Variants in CSMD1 observed in about 807,000 individuals in gnomAD.
CSMD1 encodes the protein CUB and Sushi multiple domains 1.
A neutral mutation model predicts 417.5 loss-of-function variants in CSMD1; 213 were observed. The ratio of observed to expected loss-of-function variants is 0.51; its 90% confidence interval spans 0.46 to 0.57. The LOEUF is 0.57. Ranked by LOEUF, CSMD1 falls within the 20% of genes least tolerant of loss-of-function variation. CSMD1 has a pLI of 0.00. For synonymous variants in CSMD1, 2,862 were observed against 1,736.8 expected (o/e 1.65, Z -16.11); for missense variants, 6,923 against 4,529.7 (o/e 1.53, Z -15.17).
intron 54 of CSMD1, among the ~76,000 whole-genome samples, chr8:2,987,020 A>C (rs1167063730): frequency 6.6e-6 from 1 of 152,012 alleles, no homozygotes; most frequent in Non-Finnish European, 1.5e-5. Flanking sequence ...TTGCAAGTAC[A>C]TTCCCTCTTA....
intron 20 of CSMD1, 108 bp downstream of exon 20, chr8:3,366,924 C>G: frequency 2.3e-6 from 2 of 875,638 alleles, no homozygotes; most frequent in South Asian, 1.6e-5. Flanking sequence ...TGTACAAACA[C>G]ACACGGATGC....
intron 5 of CSMD1, among the ~76,000 whole-genome samples, chr8:3,958,161 G>T: frequency 6.6e-6 from 1 of 152,010 alleles, no homozygotes; most frequent in East Asian, 1.9e-4. Context: ...TGTCCTTCTG[G>T]CAAGCAAATG....
At chr8:4,857,546 A>T (rs567792052) in intron 1 of CSMD1, among the ~76,000 whole-genome samples, 88 of 152,348 alleles carry the variant, frequency 5.8e-4, no homozygotes, top group South Asian at 2.5e-3. Flanking sequence ...AAGAGAGAAG[A>T]ATCAAATAGA....
rs374833513 is a variant in CSMD1 at position 4,320,198 on chromosome 8, T to G, written c.415+99755A>C. On this transcript the variant is annotated intron_variant, in intron 3 of 69. Coordinates refer to ENST00000635120, the MANE Select transcript of CSMD1 (RefSeq NM_033225.6). ...ATATCCAGCACTTAACAAGGTAAAA[T>G]GTGTGATATCTCGCATCTAAGCAAA... Among the ~76,000 whole-genome samples, 18 of 152,172 alleles carry G rather than the reference T, an allele frequency of 1.2e-4. No individual in the cohort carries two copies. The East Asian group carries it at 2.7e-3, about 23-fold the overall frequency.
intron 3 of CSMD1, among the ~76,000 whole-genome samples, chr8:4,280,949 C>G (rs1212073559): frequency 6.6e-6 from 1 of 152,026 alleles, no homozygotes; most frequent in Non-Finnish European, 1.5e-5. Context: ...ACGTTTTTTC[C>G]AAACACACTT....
At chr8:3,671,566 TA>T in intron 7 of CSMD1, among the ~76,000 whole-genome samples, 1 of 72,732 alleles carries the variant, frequency 1.4e-5, no homozygotes, top group Non-Finnish European at 2.4e-5. Context: ...TGATCATATA[TA>T]TATATATATA....
chr8:3,389,936 T>A (rs1006500332), intron 17 of CSMD1, among the ~76,000 whole-genome samples: 1 of 151,964 alleles, frequency 6.6e-6, no homozygotes, highest in South Asian at 2.1e-4. Context: ...TACAAACTGT[T>A]TGAATGGAGA....
At chr8:3,786,890 C>A (rs540812672) in intron 5 of CSMD1, among the ~76,000 whole-genome samples, 1 of 152,176 alleles carries the variant, frequency 6.6e-6, no homozygotes, top group African/African-American at 2.4e-5. Context: ...GACCTAAAAG[C>A]CCCACCTCCT....
Position 4,446,908 on chromosome 8 carries a change from A to AT in CSMD1, c.303-26844dup, listed in dbSNP as rs1460528578. On this transcript the variant is annotated intron_variant, in intron 2 of 69. Transcript: ENST00000635120. ...TGTTCTGGGATTACAGGCGTGAGCCATTGCGCCTGGCAGAGACCGTGTTTA... is the reference window on the plus strand; with the variant it reads ...TGTTCTGGGATTACAGGCGTGAGCCATTTGCGCCTGGCAGAGACCGTGTTTA... Among the ~76,000 whole-genome samples, 10 of 151,164 alleles carry AT rather than the reference A, an allele frequency of 6.6e-5. No individual in the cohort carries two copies. The East Asian group carries it at 1.8e-3, about 27-fold the overall frequency.
At position 4,936,559 on chromosome 8, in the gene CSMD1, A is replaced by G. The variant is rs150446029; in HGVS notation, c.85+57773T>C. Among the ~76,000 whole-genome samples, 1,445 of 152,332 alleles carry G rather than the reference A, an allele frequency of 9.5e-3. 16 individuals are homozygous for G. Among genetic ancestry groups the G allele is most frequent in the African/African-American group, 0.033 (1,360 of 41,580 alleles). ...AATAAATGTTTGGAGGTAGAAATTC[A>G]TAAGCATTTTAAGTAGACCTACCTG... On this transcript the variant is annotated intron_variant, in intron 1 of 69. Transcript: ENST00000635120.
intron 5 of CSMD1, among the ~76,000 whole-genome samples, chr8:3,987,587 G>A (rs1478239795): frequency 6.6e-6 from 1 of 152,068 alleles, no homozygotes; most frequent in African/African-American, 2.4e-5. Flanking sequence ...TTAATTCCTC[G>A]TTCTTCTCAC....
rs189147952 is a variant in CSMD1 at position 4,396,420 on chromosome 8, C to T, written c.415+23533G>A. Among the ~76,000 whole-genome samples the T allele has an allele frequency of 3.5e-3, 540 of 152,256 alleles. 4 individuals carry two copies. The highest frequency in any genetic ancestry group is 6.1e-3 in the Admixed American group (93 of 15,294). On this transcript the variant is annotated intron_variant, in intron 3 of 69. Coordinates refer to ENST00000635120, the MANE Select transcript of CSMD1 (RefSeq NM_033225.6). ...AGGCAGAGGTTTCAGTGAACCAAGA[C>T]TGCACCACTGAACTCTAGCCTGGTG...
At chr8:3,896,639 G>A (rs971717883) in intron 5 of CSMD1, among the ~76,000 whole-genome samples, 5 of 151,974 alleles carry the variant, frequency 3.3e-5, no homozygotes, top group Middle Eastern at 3.2e-3. Flanking sequence ...AGCCTCCCGA[G>A]TAGCTGGGAC....
At chr8:4,289,949 C>A (rs1797270294) in intron 3 of CSMD1, among the ~76,000 whole-genome samples, 1 of 152,214 alleles carries the variant, frequency 6.6e-6, no homozygotes, top group Non-Finnish European at 1.5e-5. Flanking sequence ...TTGACCTCTT[C>A]TTGAGAGGAG....
intron 5 of CSMD1, among the ~76,000 whole-genome samples, chr8:3,882,061 T>C (rs1806241186): frequency 2.0e-5 from 3 of 152,084 alleles, no homozygotes. Context: ...AGAAAAAACA[T>C]ATCAATAGTC....
chr8:4,632,286 G>A (rs1033903759), intron 2 of CSMD1, among the ~76,000 whole-genome samples: 2 of 152,122 alleles, frequency 1.3e-5, no homozygotes, highest in East Asian at 1.9e-4. Flanking sequence ...GCCGAGGTGG[G>A]CAGATCACCT....
chr8:3,152,872 C>T (rs1182281358), intron 39 of CSMD1, among the ~76,000 whole-genome samples: 2 of 152,162 alleles, frequency 1.3e-5, no homozygotes, highest in African/African-American at 4.8e-5. Flanking sequence ...AGTGGCATGC[C>T]TACATACATT....
chr8:4,030,197 T>G (rs965120111), intron 4 of CSMD1, among the ~76,000 whole-genome samples: 1 of 70 alleles, frequency 0.014, no homozygotes, highest in African/African-American at 0.056. Flanking sequence ...TTCTCACAGC[T>G]CAACTAGGGC....
intron 1 of CSMD1, among the ~76,000 whole-genome samples, chr8:4,877,741 G>C (rs913578616): frequency 2.0e-5 from 3 of 152,050 alleles, no homozygotes; most frequent in Admixed American, 6.5e-5. Context: ...CTATGTGTTT[G>C]CACTTTCAAA....
Sources: gnomAD v4.1 joint callset for allele counts (sites outside exome capture counted in the v4.1 genomes callset) on GRCh38, gnomAD v4.1.1 for gene constraint, MANE v1.5 for transcripts, NCBI Gene and HGNC (gene_info 2026-07-23, HGNC 2026-07-21) for gene names.